LMO7: variants seen among roughly 807,000 people sequenced by gnomAD.
LMO7 encodes the protein LIM domain only protein 7.
LMO7 carries 120 observed loss-of-function variants against 206.5 expected under a neutral mutation model. The ratio of observed to expected loss-of-function variants is 0.58; its 90% CI spans 0.50 to 0.68. LMO7 has a LOEUF of 0.68. Ranked by LOEUF, LMO7 falls within the 30% of genes least tolerant of loss-of-function variation. The probability of loss-of-function intolerance (pLI) is 0.00; values close to 1 mark genes in which losing one functional copy is unlikely to be tolerated. For missense variants in LMO7, 1,959 were observed against 1,957.9 expected (o/e 1.00, Z -0.01); for synonymous variants, 706 against 681.5 (o/e 1.04, Z -0.56).
intron 6 of LMO7, among the ~76,000 whole-genome samples, chr13:75,800,235 T>C (rs537466286): frequency 6.6e-6 from 1 of 152,342 alleles, no homozygotes; most frequent in South Asian, 2.1e-4. Flanking sequence ...TTCCTGGAGA[T>C]AGAGTGAATA....
Position 75,776,197 on chromosome 13 carries a change from AT to A in LMO7, c.317+15160del, listed in dbSNP as rs1566434200. ...TATATATATATATATATATATATATATATATATAACGTTAAGTCGTAGTAAG... is the reference window on the plus strand; with the variant it reads ...TATATATATATATATATATATATATAATATATAACGTTAAGTCGTAGTAAG... On this transcript the variant is annotated intron_variant, in intron 4 of 30. Coordinates refer to ENST00000377534, the MANE Select transcript of LMO7 (RefSeq NM_001306080.2). Among the ~76,000 whole-genome samples, 265 of 108,980 alleles carry A rather than the reference AT, an allele frequency of 2.4e-3. 7 individuals are homozygous for A. Among genetic ancestry groups the A allele is most frequent in the Non-Finnish European group, 4.2e-3 (221 of 53,236 alleles). The allele number at this position is 108,980 out of a possible 152,430, so 71.5% of individuals were successfully genotyped here.
chr13:75,769,599 G>C (rs2049363131), intron 4 of LMO7, among the ~76,000 whole-genome samples: 1 of 152,058 alleles, frequency 6.6e-6, no homozygotes, highest in Admixed American at 6.6e-5. Context: ...AACACATGTT[G>C]AATCTCCACA....
At chr13:75,660,524 A>G (rs1287565305) in intron 1 of LMO7, among the ~76,000 whole-genome samples, 1 of 152,098 alleles carries the variant, frequency 6.6e-6, no homozygotes, top group Non-Finnish European at 1.5e-5. Context: ...TGCATTTTCC[A>G]ACTTCTTGAT....
chr13:75,749,420 A>G (rs1228480694), intron 3 of LMO7, among the ~76,000 whole-genome samples: 4 of 152,212 alleles, frequency 2.6e-5, no homozygotes, highest in Admixed American at 2.6e-4. Context: ...TTTTAGAATT[A>G]TCTCATTTTT....
intron 30 of LMO7, chr13:75,857,646 G>T: frequency 3.7e-6 from 1 of 273,288 alleles, no homozygotes; most frequent in African/African-American, 2.2e-5. Context: ...TTGTAAAATT[G>T]CCCATGCCTT....
chr13:75,786,586 C>T (rs1008868611), intron 4 of LMO7, among the ~76,000 whole-genome samples: 3 of 151,938 alleles, frequency 2.0e-5, no homozygotes, highest in Non-Finnish European at 4.4e-5. Flanking sequence ...GGGGTTTCAC[C>T]GTGTTAGCCA....
At position 75,740,011 on chromosome 13, in the gene LMO7, A is replaced by G. The variant is rs117193630; in HGVS notation, c.210+12913A>G. Among the ~76,000 whole-genome samples, 171 of 152,312 alleles carry G rather than the reference A, an allele frequency of 1.1e-3. 5 individuals are homozygous for G. The East Asian group carries it at 0.03, about 27-fold the overall frequency. ...TTCTCATCTAAGTTGAAATAACATA[A>G]AAAGTACAAATATAATTACTGTTTT... On this transcript the variant is annotated intron_variant, in intron 3 of 30. Coordinates refer to ENST00000377534, the MANE Select transcript of LMO7 (RefSeq NM_001306080.2).
intron 2 of LMO7, 78 bp downstream of exon 2, chr13:75,713,330 T>G: frequency 1.0e-6 from 1 of 981,364 alleles, no homozygotes; most frequent in Non-Finnish European, 1.5e-6. Context: ...GTTTGGCTCC[T>G]CCCATGGCCA....
intron 1 of LMO7, among the ~76,000 whole-genome samples, chr13:75,643,999 T>C (rs1283211244): frequency 6.6e-6 from 1 of 152,184 alleles, no homozygotes; most frequent in Non-Finnish European, 1.5e-5. Flanking sequence ...GAAATTTTTG[T>C]ATGGATTCAG....
At chr13:75,630,014 TAC>T (rs1448769019) in intron 2 of LMO7, among the ~76,000 whole-genome samples, 1 of 151,938 alleles carries the variant, frequency 6.6e-6, no homozygotes. Context: ...TACGAAAACC[TAC>T]AGATTCTCAA....
At chr13:75,626,595 A>ATATATATATATTTTTTTT in intron 2 of LMO7, among the ~76,000 whole-genome samples, 1 of 71,100 alleles carries the variant, frequency 1.4e-5, no homozygotes, top group Non-Finnish European at 3.6e-5. Flanking sequence ...ATATATATAA[A>ATATATATATATTTTTTTT]TTTTTTTGAG....
chr13:75,692,884 G>A (rs921004204), intron 1 of LMO7, among the ~76,000 whole-genome samples: 1 of 152,172 alleles, frequency 6.6e-6, no homozygotes, highest in African/African-American at 2.4e-5. Context: ...TTTGACTTTG[G>A]AGGGTAAAAG....
intron 4 of LMO7, among the ~76,000 whole-genome samples, chr13:75,781,873 G>A (rs1295787288): frequency 1.3e-5 from 2 of 152,156 alleles, no homozygotes; most frequent in Admixed American, 6.6e-5. Context: ...TTCTCTGATG[G>A]CCAGTGATGA....
At chr13:75,635,702 G>C (rs1428326399), upstream of LMO7, 2 of 152,244 alleles carry the variant, frequency 1.3e-5, no homozygotes, top group African/African-American at 4.8e-5. Context: ...CCTGGAAGCC[G>C]GGCGGAGCGG....
At chr13:75,646,630 G>A (rs1298684940) in intron 1 of LMO7, among the ~76,000 whole-genome samples, 2 of 150,980 alleles carry the variant, frequency 1.3e-5, no homozygotes, top group African/African-American at 4.9e-5. Flanking sequence ...GTTGCCCAAG[G>A]TGGAGTGCAA....
At chr13:75,740,151 A>G (rs149787323) in intron 3 of LMO7, among the ~76,000 whole-genome samples, 1 of 152,330 alleles carries the variant, frequency 6.6e-6, no homozygotes, top group African/African-American at 2.4e-5. Flanking sequence ...GAATAAGCAG[A>G]CAATATGTGC....
At chr13:75,729,050 T>C (rs561753840) in intron 3 of LMO7, among the ~76,000 whole-genome samples, 1 of 152,294 alleles carries the variant, frequency 6.6e-6, no homozygotes, top group Non-Finnish European at 1.5e-5. Context: ...TAGTTTGAGG[T>C]CAGGTAGCGT....
chr13:75,821,544 G>A lies in LMO7; in HGVS notation c.2575G>A (p.Val859Met), dbSNP rs1355938682. Reference protein sequence around the residue: ...RKTDTVRLTSVVTPRPFGSQT... With the variant: ...RKTDTVRLTSMVTPRPFGSQT... ...AACTGATACAGTCAGGTTAACATCTGTGGTCACACCAAGACCCTTTGGCTC... is the reference window on the plus strand; with the variant it reads ...AACTGATACAGTCAGGTTAACATCTATGGTCACACCAAGACCCTTTGGCTC... Residue 859 changes from valine to methionine, a missense_variant, in exon 14 of 31, where the codon GTG becomes ATG. Val to Met is a conservative substitution (Grantham distance 21). Transcript: ENST00000377534. The A allele has an allele frequency of 1.2e-6, 2 of 1,614,038 alleles. No individual in the cohort carries two copies. The highest frequency in any genetic ancestry group is 4.5e-5 in the East Asian group (2 of 44,868).
chr13:75,840,220 G>A (rs1362853822), intron 21 of LMO7, 110 bp downstream of exon 21: 7 of 1,389,010 alleles, frequency 5.0e-6, no homozygotes, highest in Non-Finnish European at 7.1e-6. Context: ...TTATCAGAGA[G>A]TTATCCTTCC....
Sources: allele counts gnomAD v4.1 joint callset (sites outside exome capture counted in the v4.1 genomes callset), GRCh38; gene constraint gnomAD v4.1.1; transcripts MANE v1.5; gene names NCBI Gene and HGNC (gene_info 2026-07-23, HGNC 2026-07-21).